The following SND1 variants were observed in gnomAD, a reference collection of about 807,000 sequenced individuals.
The protein encoded by SND1 is staphylococcal nuclease domain-containing protein 1.
Under a neutral mutation model 121.7 loss-of-function variants are expected in SND1, and 38 were observed. The ratio of observed to expected loss-of-function variants is 0.31; its 90% confidence interval spans 0.24 to 0.41. The LOEUF (loss-of-function observed/expected upper bound fraction) is 0.41. SND1 is among the 10% of genes least tolerant of loss of function. SND1 has a pLI of 1.00. For synonymous variants in SND1, 401 were observed against 447.4 expected, an observed-to-expected ratio of 0.90 and a Z score of 1.31; for missense variants, 868 against 1,184.6, an observed-to-expected ratio of 0.73 and a Z score of 3.92.
intron 1 of SND1, among the ~76,000 whole-genome samples, chr7:127,668,239 C>G (rs958845893): frequency 4.6e-5 from 7 of 152,174 alleles, no homozygotes; most frequent in African/African-American, 1.7e-4. Flanking sequence ...GAAGTGCTGT[C>G]CATTAATTCC....
intron 16 of SND1, among the ~76,000 whole-genome samples, chr7:128,035,633 C>T (rs1242940803): frequency 6.6e-6 from 1 of 152,198 alleles, no homozygotes; most frequent in Non-Finnish European, 1.5e-5. Context: ...GGCTAATTGG[C>T]ATTTAAACCT....
chr7:127,934,407 A>AG (rs1801013971), intron 15 of SND1, among the ~76,000 whole-genome samples: 1 of 152,162 alleles, frequency 6.6e-6, no homozygotes, highest in Admixed American at 6.5e-5. Flanking sequence ...GTATTAAGCA[A>AG]GGGGGCAGCA....
intron 14 of SND1, among the ~76,000 whole-genome samples, chr7:127,928,429 A>G (rs150813604): frequency 1.3e-5 from 2 of 151,940 alleles, no homozygotes; most frequent in African/African-American, 4.8e-5. Flanking sequence ...TGAATCTTAC[A>G]TAACCTATTT....
chr7:127,658,112 G>C (rs1460946390), intron 1 of SND1, among the ~76,000 whole-genome samples: 1 of 152,140 alleles, frequency 6.6e-6, no homozygotes, highest in Non-Finnish European at 1.5e-5. Flanking sequence ...AGGAGTTCAA[G>C]ACTAGCCCAA....
At chr7:128,084,669 T>C (rs1793658956) in intron 18 of SND1, 55 bp from the exon 19 acceptor site, 14 of 1,533,546 alleles carry the variant, frequency 9.1e-6, no homozygotes, top group Non-Finnish European at 1.2e-5. Context: ...AAAACCCTGC[T>C]GAGCCGTCGA....
chr7:127,669,743 G>T (rs1378660418), intron 1 of SND1, among the ~76,000 whole-genome samples: 1 of 152,148 alleles, frequency 6.6e-6, no homozygotes, highest in African/African-American at 2.4e-5. Flanking sequence ...TCCATGTACT[G>T]TGCTGGCTAA....
chr7:127,774,436 C>G, intron 10 of SND1, among the ~76,000 whole-genome samples: 1 of 152,144 alleles, frequency 6.6e-6, no homozygotes, highest in East Asian at 1.9e-4. Context: ...TAAAGTCTAT[C>G]GTAGTGTACA....
At chr7:127,683,072 G>T (rs73723031) in intron 1 of SND1, among the ~76,000 whole-genome samples, 2,596 of 152,254 alleles carry the variant, frequency 0.017, 93 homozygotes, top group African/African-American at 0.059. Flanking sequence ...GGTGGCGACT[G>T]TTAGCTATAA....
At chr7:128,003,074 T>G (rs931038840) in intron 16 of SND1, among the ~76,000 whole-genome samples, 1 of 152,096 alleles carries the variant, frequency 6.6e-6, no homozygotes, top group Non-Finnish European at 1.5e-5. Context: ...ATACAAAAGT[T>G]AGCCTGGTGT....
chr7:127,797,759 CCTTTTT>C (rs1331801546), intron 10 of SND1, among the ~76,000 whole-genome samples: 2 of 142,540 alleles, frequency 1.4e-5, no homozygotes, highest in Non-Finnish European at 3.0e-5. Flanking sequence ...TTTTATTTCA[CCTTTTT>C]TCCCCCCTTG....
At chr7:127,687,421 T>A (rs1400963821) in intron 2 of SND1, among the ~76,000 whole-genome samples, 2 of 152,210 alleles carry the variant, frequency 1.3e-5, no homozygotes, top group African/African-American at 4.8e-5. Flanking sequence ...CACCAAAATA[T>A]TGAACATTGT....
At chr7:128,088,172 G>T (rs977880471) in intron 21 of SND1, among the ~76,000 whole-genome samples, 5 of 152,000 alleles carry the variant, frequency 3.3e-5, no homozygotes, top group Non-Finnish European at 7.4e-5. Flanking sequence ...GTGGAGTCAG[G>T]TGCAGTGGCT....
intron 10 of SND1, among the ~76,000 whole-genome samples, chr7:127,756,629 A>G (rs1212165846): frequency 6.6e-6 from 1 of 152,156 alleles, no homozygotes; most frequent in Non-Finnish European, 1.5e-5. Context: ...TTCTTTAGCC[A>G]TTCCTCTGGG....
chr7:128,086,797 T>C (rs1374302148), intron 20 of SND1, 141 bp from the exon 21 acceptor site: 23 of 726,696 alleles, frequency 3.2e-5, no homozygotes, highest in Non-Finnish European at 5.4e-5. Flanking sequence ...CCTTTGTACA[T>C]TGCAAAGTGG....
intron 10 of SND1, among the ~76,000 whole-genome samples, chr7:127,752,327 C>T (rs1205364156): frequency 2.0e-5 from 3 of 152,030 alleles, no homozygotes; most frequent in African/African-American, 4.8e-5. Flanking sequence ...GTTTTGCAGC[C>T]GTCGTAATGC....
intron 16 of SND1, among the ~76,000 whole-genome samples, chr7:128,062,627 T>C (rs1177216592): frequency 2.6e-5 from 4 of 152,224 alleles, no homozygotes; most frequent in Non-Finnish European, 5.9e-5. Flanking sequence ...CAGATTCTTC[T>C]CTCTGGTGCC....
chr7:128,022,241 T>C (rs910603608), intron 16 of SND1, among the ~76,000 whole-genome samples: 1 of 146,380 alleles, frequency 6.8e-6, no homozygotes, highest in African/African-American at 2.5e-5. Flanking sequence ...GGTAGGAGGG[T>C]ATGAAAGAAA....
chr7:127,941,889 G>GTTT (rs34389081), intron 15 of SND1, among the ~76,000 whole-genome samples: 11 of 100,232 alleles, frequency 1.1e-4, no homozygotes, highest in African/African-American at 2.0e-4. Flanking sequence ...TTGATAGGGA[G>GTTT]TTTTTTTTTT....
intron 11 of SND1, among the ~76,000 whole-genome samples, chr7:127,812,303 AT>A (rs1798348259): frequency 6.6e-6 from 1 of 152,208 alleles, no homozygotes; most frequent in South Asian, 2.1e-4. Flanking sequence ...GGAGGTGGTA[AT>A]AGCACTGTAT....
Sources: allele counts gnomAD v4.1 joint callset (sites outside exome capture counted in the v4.1 genomes callset), GRCh38; gene constraint gnomAD v4.1.1; transcripts MANE v1.5; gene names NCBI Gene and HGNC (gene_info 2026-07-23, HGNC 2026-07-21).